AGMO: variants seen among roughly 807,000 people sequenced by gnomAD.
AGMO encodes the protein glyceryl-ether monooxygenase.
AGMO carries 75 observed loss-of-function variants against 60.2 expected under a neutral mutation model. That is an observed-to-expected ratio of 1.25 (90% CI 1.03 to 1.51). The LOEUF is 1.51. Ranked by LOEUF, AGMO falls within the 40% of genes most tolerant of loss-of-function variation. The pLI is 0.00. For synonymous variants in AGMO, 261 were observed against 177.1 expected (o/e 1.47, Z -3.76); for missense variants, 763 against 525.5 (o/e 1.45, Z -4.42).
chr7:15,421,141 T>C (rs1780910966), intron 4 of AGMO, among the ~76,000 whole-genome samples: 2 of 152,010 alleles, frequency 1.3e-5, no homozygotes, highest in African/African-American at 2.4e-5. Flanking sequence ...GTAGAAGGCG[T>C]TGGAGAGTAG....
chr7:15,201,699 G>A (rs35484363), intron 12 of AGMO, among the ~76,000 whole-genome samples: 12,680 of 152,060 alleles, frequency 0.083, 647 homozygotes, highest in Non-Finnish European at 0.094. Context: ...CATTATACTA[G>A]ATGATCTAAT....
At chr7:15,358,025 A>AG (rs1782607247) in intron 12 of AGMO, among the ~76,000 whole-genome samples, 1 of 152,230 alleles carries the variant, frequency 6.6e-6, no homozygotes, top group Non-Finnish European at 1.5e-5. Flanking sequence ...AAGTTTGCTA[A>AG]GAACTGTTGA....
rs1781268593 is a variant in AGMO at position 15,201,160 on chromosome 7, A to G, written c.*125T>C. 1 of 569,320 alleles carries G rather than the reference A, an allele frequency of 1.8e-6. No individual in the cohort carries two copies. Among genetic ancestry groups the G allele is most frequent in the Non-Finnish European group, 2.8e-6 (1 of 353,952 alleles). The allele number at this position is 569,320 out of a possible 1,614,324, so 35.3% of individuals were successfully genotyped here. A position where few individuals can be genotyped will look rare whatever the true frequency, so the allele number is the denominator to read the frequency against. On this transcript the variant is annotated 3_prime_UTR_variant, in exon 13 of 13. Coordinates refer to ENST00000342526, the MANE Select transcript of AGMO (RefSeq NM_001004320.2). ...GAAAGGCAAACAATAGTAAATAAGTAATTTTACTTTTCATTGAAGAAATAG... is the reference window on the plus strand; with the variant it reads ...GAAAGGCAAACAATAGTAAATAAGTGATTTTACTTTTCATTGAAGAAATAG...
At chr7:15,323,123 C>T (rs915406341) in intron 12 of AGMO, among the ~76,000 whole-genome samples, 33 of 151,708 alleles carry the variant, frequency 2.2e-4, no homozygotes, top group Admixed American at 9.2e-4. Context: ...CAGTGCAATC[C>T]TTGGAGTAAT....
At chr7:15,509,317 G>A (rs1459843869) in intron 3 of AGMO, among the ~76,000 whole-genome samples, 1 of 151,688 alleles carries the variant, frequency 6.6e-6, no homozygotes, top group Non-Finnish European at 1.5e-5. Context: ...ATACACAATG[G>A]GGAAAGAACA....
intron 12 of AGMO, among the ~76,000 whole-genome samples, chr7:15,292,668 G>T (rs1440773318): frequency 6.7e-6 from 1 of 149,428 alleles, no homozygotes; most frequent in Non-Finnish European, 1.5e-5. Context: ...GAAAGACAAA[G>T]AAGAATGTAA....
At chr7:15,191,710 C>G in the AGMO span, among the ~76,000 whole-genome samples, 1 of 152,202 alleles carries the variant, frequency 6.6e-6, no homozygotes, top group Admixed American at 6.5e-5. Flanking sequence ...AATCACTTTA[C>G]TATTAAAAGT....
intron 2 of AGMO, among the ~76,000 whole-genome samples, chr7:15,553,982 C>T (rs1785054940): frequency 1.3e-5 from 2 of 152,054 alleles, no homozygotes; most frequent in East Asian, 1.9e-4. Flanking sequence ...ATATTCCCTG[C>T]TTTCTATTAG....
In AGMO at chr7:15,407,071, C is replaced by T. The variant is rs553265026; in HGVS notation, c.609+11487G>A. ...TATGAATATACATATATATGTATTC[C>T]ATATGTGTATATATACACATATATA... On this transcript the variant is annotated intron_variant, in intron 5 of 12. Transcript: ENST00000342526. 2.1e-3 allele frequency among the ~76,000 whole-genome samples: 293 copies of T among 139,994 alleles called. 1 individual carries two copies. Among genetic ancestry groups the T allele is most frequent in the African/African-American group, 7.2e-3 (274 of 37,838 alleles). 91.8% of individuals were successfully genotyped at this position (139,994 alleles called of 152,430 possible).
At chr7:15,520,641 T>A (rs1276843671) in intron 3 of AGMO, among the ~76,000 whole-genome samples, 3 of 152,208 alleles carry the variant, frequency 2.0e-5, no homozygotes, top group Admixed American at 6.5e-5. Context: ...ATAAGTTCTT[T>A]GAAACCAGTG....
At chr7:15,386,220 G>C (rs1468455142) in intron 9 of AGMO, among the ~76,000 whole-genome samples, 1 of 152,014 alleles carries the variant, frequency 6.6e-6, no homozygotes, top group African/African-American at 2.4e-5. Flanking sequence ...TGGCAGTGTA[G>C]GTAATCATGC....
chr7:15,300,645 A>T (rs1403446951), intron 12 of AGMO, among the ~76,000 whole-genome samples: 1 of 152,194 alleles, frequency 6.6e-6, no homozygotes, highest in Non-Finnish European at 1.5e-5. Flanking sequence ...CTACACTCAA[A>T]TGTGAATAGT....
chr7:15,554,767 T>C (rs1785076682), intron 2 of AGMO, among the ~76,000 whole-genome samples: 1 of 152,066 alleles, frequency 6.6e-6, no homozygotes, highest in East Asian at 1.9e-4. Context: ...AAATAATCAA[T>C]AAATCAGAAA....
chr7:15,419,861 C>A (rs1285992173), intron 4 of AGMO, among the ~76,000 whole-genome samples: 1 of 151,896 alleles, frequency 6.6e-6, no homozygotes, highest in Non-Finnish European at 1.5e-5. Context: ...AGGGGAAAAC[C>A]ATTTAAAACA....
intron 12 of AGMO, among the ~76,000 whole-genome samples, chr7:15,316,977 G>A (rs1780945235): frequency 6.6e-6 from 1 of 152,170 alleles, no homozygotes; most frequent in Non-Finnish European, 1.5e-5. Flanking sequence ...GTAATTGGCA[G>A]GATGAACATA....
chr7:15,227,285 T>G (rs1782113408), intron 12 of AGMO, among the ~76,000 whole-genome samples: 1 of 151,964 alleles, frequency 6.6e-6, no homozygotes, highest in Non-Finnish European at 1.5e-5. Context: ...TCAAGCAAAC[T>G]TCAGCCAATC....
chr7:15,517,575 T>C (rs1312558102), intron 3 of AGMO, among the ~76,000 whole-genome samples: 1 of 151,718 alleles, frequency 6.6e-6, no homozygotes, highest in African/African-American at 2.4e-5. Context: ...CAGGAACTCC[T>C]TCCCCTAGCC....
chr7:15,135,616 T>C, the AGMO span, among the ~76,000 whole-genome samples: 1 of 152,152 alleles, frequency 6.6e-6, no homozygotes, highest in Non-Finnish European at 1.5e-5. Flanking sequence ...TATCAAATAA[T>C]AAAAACTTAG....
At chr7:15,524,209 A>T (rs1318732047) in intron 3 of AGMO, among the ~76,000 whole-genome samples, 2 of 152,054 alleles carry the variant, frequency 1.3e-5, no homozygotes, top group African/African-American at 4.8e-5. Flanking sequence ...TCAACATAAG[A>T]TTATATATAC....
Sources: gnomAD v4.1 joint callset for allele counts (sites outside exome capture counted in the v4.1 genomes callset) on GRCh38, gnomAD v4.1.1 for gene constraint, MANE v1.5 for transcripts, NCBI Gene and HGNC (gene_info 2026-07-23, HGNC 2026-07-21) for gene names.